The following CRACD variants were observed in gnomAD, a reference collection of about 807,000 sequenced individuals.
The protein encoded by CRACD is capping protein inhibiting regulator of actin dynamics.
CRACD carries 56 observed loss-of-function variants against 106.8 expected under a neutral mutation model. The observed-to-expected ratio is 0.52, with a 90% confidence interval of 0.42 to 0.66. The LOEUF is 0.66. Ranked by LOEUF, CRACD falls within the 30% of genes least tolerant of loss-of-function variation. The probability of loss-of-function intolerance (pLI) is 0.00; values close to 1 mark genes in which losing one functional copy is unlikely to be tolerated. For missense variants in CRACD, 1,730 were observed against 1,623.2 expected, an observed-to-expected ratio of 1.07 and a Z score of -1.13; for synonymous variants, 754 against 670.8, an observed-to-expected ratio of 1.12 and a Z score of -1.92.
intron 2 of CRACD, among the ~76,000 whole-genome samples, chr4:56,221,193 AT>A (rs1337599844): frequency 1.3e-5 from 2 of 152,204 alleles, no homozygotes; most frequent in African/African-American, 4.8e-5. Context: ...TTTTAGAATG[AT>A]CAACCCGACA....
At chr4:56,226,540 G>A (rs1382722590) in intron 2 of CRACD, among the ~76,000 whole-genome samples, 2 of 152,130 alleles carry the variant, frequency 1.3e-5, no homozygotes, top group African/African-American at 4.8e-5. Flanking sequence ...GTAAAATTAT[G>A]TTGTGTATGC....
intron 1 of CRACD, among the ~76,000 whole-genome samples, chr4:56,055,811 C>G (rs1051043848): frequency 6.6e-6 from 1 of 152,136 alleles, no homozygotes; most frequent in African/African-American, 2.4e-5. Flanking sequence ...GTTCTGTGAG[C>G]GCATATTGTA....
chr4:56,140,484 A>G (rs1197073940), intron 1 of CRACD, among the ~76,000 whole-genome samples: 3 of 152,126 alleles, frequency 2.0e-5, no homozygotes, highest in Admixed American at 6.6e-5. Flanking sequence ...TACACACATC[A>G]ATAAAGAGAA....
At chr4:56,133,467 A>G (rs528104414) in intron 1 of CRACD, among the ~76,000 whole-genome samples, 7 of 152,310 alleles carry the variant, frequency 4.6e-5, no homozygotes, top group Admixed American at 1.3e-4. Flanking sequence ...CAAGCTATCA[A>G]TTGTCACCCA....
intron 1 of CRACD, among the ~76,000 whole-genome samples, chr4:56,051,070 C>T (rs1731857952): frequency 6.6e-6 from 1 of 152,078 alleles, no homozygotes; most frequent in Non-Finnish European, 1.5e-5. Flanking sequence ...TTTCTCTTAC[C>T]CAATTTCAGA....
chr4:56,251,758 T>G (rs908713032), intron 2 of CRACD, among the ~76,000 whole-genome samples: 2 of 152,202 alleles, frequency 1.3e-5, no homozygotes, highest in Non-Finnish European at 2.9e-5. Context: ...CTCTGGCAGC[T>G]CTCAGCTTGT....
intron 2 of CRACD, chr4:56,216,236 T>C (rs1227618473): frequency 6.6e-6 from 1 of 152,212 alleles, no homozygotes; most frequent in African/African-American, 2.4e-5. Context: ...GATAACTAAC[T>C]CATCTTCCTC....
At chr4:56,192,918 CTT>C (rs1737442570) in intron 2 of CRACD, among the ~76,000 whole-genome samples, 1 of 152,182 alleles carries the variant, frequency 6.6e-6, no homozygotes, top group Admixed American at 6.5e-5. Context: ...ACAGACAACA[CTT>C]AACACAAGAC....
chr4:56,328,170 G>GT lies in CRACD; in HGVS notation c.*372dup. On this transcript the variant is annotated 3_prime_UTR_variant, in exon 11 of 11. Transcript: ENST00000682029. ...GTACTTTTGCCAACCTTTGGTAATG[G>GT]TTTTTTGATTCTATGCACTAATTTT... The GT allele has an allele frequency of 2.6e-6, 1 of 389,650 alleles. No individual in the cohort carries two copies. The highest frequency in any genetic ancestry group is 2.1e-5 in the South Asian group (1 of 48,502). The allele number at this position is 389,650 out of a possible 1,614,324, so 24.1% of individuals were successfully genotyped here. A position where few individuals can be genotyped will look rare whatever the true frequency, so the allele number is the denominator to read the frequency against.
chr4:56,169,114 C>G (rs1248622207), intron 1 of CRACD, among the ~76,000 whole-genome samples: 1 of 152,114 alleles, frequency 6.6e-6, no homozygotes, highest in Non-Finnish European at 1.5e-5. Flanking sequence ...AATCTGTTCC[C>G]ACTGCCAGAG....
chr4:56,124,735 A>G (rs1321033576), intron 1 of CRACD, among the ~76,000 whole-genome samples: 1 of 152,126 alleles, frequency 6.6e-6, no homozygotes, highest in Non-Finnish European at 1.5e-5. Context: ...TTGAAGAAAC[A>G]TGGTTATTTG....
chr4:56,247,488 C>T (rs566301438), intron 2 of CRACD, among the ~76,000 whole-genome samples: 1 of 152,256 alleles, frequency 6.6e-6, no homozygotes, highest in South Asian at 2.1e-4. Flanking sequence ...GGATCTCTGC[C>T]TTCCTCTCTT....
At chr4:56,146,871 G>C (rs1444846022) in intron 1 of CRACD, among the ~76,000 whole-genome samples, 2 of 152,178 alleles carry the variant, frequency 1.3e-5, no homozygotes, top group Non-Finnish European at 2.9e-5. Context: ...TAAAAGAAAA[G>C]CAGCTTTTAT....
intron 3 of CRACD, among the ~76,000 whole-genome samples, chr4:56,286,695 G>A (rs1560518602): frequency 6.6e-6 from 1 of 151,880 alleles, no homozygotes; most frequent in Non-Finnish European, 1.5e-5. Flanking sequence ...ACTGCTCTCG[G>A]GGTTCCTGCA....
chr4:56,176,267 T>C (rs1476862908), intron 1 of CRACD, among the ~76,000 whole-genome samples: 1 of 152,180 alleles, frequency 6.6e-6, no homozygotes, highest in African/African-American at 2.4e-5. Flanking sequence ...TCAGGGTCTT[T>C]TGTGGTTCCA....
chr4:56,306,449 G>A (rs762224303), intron 4 of CRACD, among the ~76,000 whole-genome samples: 3 of 152,082 alleles, frequency 2.0e-5, no homozygotes, highest in Admixed American at 6.6e-5. Flanking sequence ...GGAATTCAAG[G>A]TTGCAATGAG....
chr4:56,094,377 AT>A (rs1185206798), intron 1 of CRACD, among the ~76,000 whole-genome samples: 3 of 145,718 alleles, frequency 2.1e-5, no homozygotes, highest in Non-Finnish European at 4.5e-5. Flanking sequence ...TCATAAAATG[AT>A]TTTTATATAT....
chr4:56,110,252 C>T (rs547531478), intron 1 of CRACD, among the ~76,000 whole-genome samples: 56 of 152,094 alleles, frequency 3.7e-4, no homozygotes, highest in African/African-American at 1.2e-3. Flanking sequence ...TGTTTTCAAC[C>T]GAAAATTCTG....
chr4:56,190,763 C>T (rs546821822), intron 2 of CRACD, among the ~76,000 whole-genome samples: 2 of 152,138 alleles, frequency 1.3e-5, no homozygotes, highest in Non-Finnish European at 2.9e-5. Flanking sequence ...ATCTGGAGGA[C>T]GTGGCCCTCT....
Sources: gnomAD v4.1 joint callset for allele counts (sites outside exome capture counted in the v4.1 genomes callset) on GRCh38, gnomAD v4.1.1 for gene constraint, MANE v1.5 for transcripts, NCBI Gene and HGNC (gene_info 2026-07-23, HGNC 2026-07-21) for gene names.